The following COL24A1 variants were observed in gnomAD, a reference collection of about 807,000 sequenced individuals.
The protein encoded by COL24A1 is collagen alpha-1(XXIV) chain.
Under a neutral mutation model 253.9 loss-of-function variants are expected in COL24A1, and 224 were observed. That is an observed-to-expected ratio of 0.88 (90% CI 0.79 to 0.99). The LOEUF (loss-of-function observed/expected upper bound fraction) is 0.99. Ranked by LOEUF, COL24A1 falls within the 50% of genes least tolerant of loss-of-function variation. COL24A1 has a pLI of 0.00. For missense variants in COL24A1, 2,131 were observed against 2,068.5 expected (o/e 1.03, Z -0.59); for synonymous variants, 685 against 673.7 (o/e 1.02, Z -0.26).
chr1:85,951,155 T>G (rs1689873984), intron 24 of COL24A1, among the ~76,000 whole-genome samples: 1 of 152,200 alleles, frequency 6.6e-6, no homozygotes, highest in Non-Finnish European at 1.5e-5. Flanking sequence ...ATTTCTTAAT[T>G]TATCATAGTT....
At chr1:85,776,358 A>G (rs866854780) in intron 52 of COL24A1, among the ~76,000 whole-genome samples, 4 of 152,076 alleles carry the variant, frequency 2.6e-5, no homozygotes, top group African/African-American at 7.2e-5. Context: ...GGCCCATAAC[A>G]TCTTCTATTT....
intron 47 of COL24A1, among the ~76,000 whole-genome samples, chr1:85,797,914 C>T (rs536688208): frequency 3.3e-5 from 5 of 152,110 alleles, no homozygotes; most frequent in South Asian, 2.1e-4. Flanking sequence ...ATAAACCAGC[C>T]GAGCATGGTG....
rs1688170321 is a variant in COL24A1, at chr1:85,935,331, G to A, written c.2563-23898C>T. On this transcript the variant is annotated intron_variant, in intron 24 of 59. Coordinates refer to ENST00000370571, the MANE Select transcript of COL24A1 (RefSeq NM_152890.7). Reference sequence around the variant, plus strand: ...ACTATGCATAGGAACAAAGTGAACTGTCAATAGGAGAATACTGTCTATTTT... The same window carrying A: ...ACTATGCATAGGAACAAAGTGAACTATCAATAGGAGAATACTGTCTATTTT... 2.0e-5 allele frequency among the ~76,000 whole-genome samples: 3 copies of A among 147,558 alleles called. 1 individual carries two copies. Among genetic ancestry groups the A allele is most frequent in the East Asian group, 4.2e-4 (2 of 4,716 alleles).
chr1:85,797,387 A>T (rs573279347), intron 47 of COL24A1, among the ~76,000 whole-genome samples: 1 of 152,274 alleles, frequency 6.6e-6, no homozygotes, highest in East Asian at 1.9e-4. Flanking sequence ...AGACAAGCTC[A>T]ACTCCGACTA....
At chr1:85,745,402 G>T in intron 56 of COL24A1, 39 bp downstream of exon 56, 2 of 1,483,612 alleles carry the variant, frequency 1.3e-6, no homozygotes, top group Non-Finnish European at 9.3e-7. Context: ...TTGGTATATT[G>T]AGAGACAGTG....
intron 35 of COL24A1, among the ~76,000 whole-genome samples, chr1:85,872,028 A>G (rs1224034635): frequency 1.3e-5 from 2 of 152,206 alleles, no homozygotes; most frequent in Admixed American, 6.5e-5. Flanking sequence ...ATGTGCAAAA[A>G]TCACAAGCAT....
At chr1:85,803,111 T>C (rs549033126) in intron 47 of COL24A1, among the ~76,000 whole-genome samples, 5 of 152,270 alleles carry the variant, frequency 3.3e-5, no homozygotes, top group African/African-American at 9.6e-5. Context: ...TAGAAATATG[T>C]TAAACATTTT....
chr1:85,897,022 A>G (rs1295313649), intron 28 of COL24A1, among the ~76,000 whole-genome samples: 1 of 152,256 alleles, frequency 6.6e-6, no homozygotes, highest in East Asian at 1.9e-4. Flanking sequence ...GCAGCCAGCC[A>G]GAATTTGTTC....
rs980456338 is a variant in COL24A1 at position 85,729,786 on chromosome 1, C to A, written c.*760G>T. The A allele has an allele frequency of 6.6e-6, 1 of 152,482 alleles. No homozygotes were observed. Among genetic ancestry groups the A allele is most frequent in the Non-Finnish European group, 1.5e-5 (1 of 68,010 alleles). The allele number at this position is 152,482 out of a possible 1,614,324, so 9.4% of individuals were successfully genotyped here. On this transcript the variant is annotated 3_prime_UTR_variant, in exon 60 of 60. Coordinates refer to ENST00000370571, the MANE Select transcript of COL24A1 (RefSeq NM_152890.7). ...CAAAGAAATCTAATTCTTTTGCGTA[C>A]AAGCACAGGTTACAATGTGCTGGCT...
At chr1:86,006,206 C>T (rs1157936189) in intron 19 of COL24A1, among the ~76,000 whole-genome samples, 3 of 151,996 alleles carry the variant, frequency 2.0e-5, no homozygotes, top group African/African-American at 4.8e-5. Flanking sequence ...AACAGCCAAC[C>T]CAACTTGAAA....
chr1:85,900,692 A>C (rs764200050), intron 28 of COL24A1, among the ~76,000 whole-genome samples: 2 of 152,108 alleles, frequency 1.3e-5, no homozygotes, highest in Non-Finnish European at 2.9e-5. Flanking sequence ...CCAAAACAGC[A>C]TGGTACTAGT....
intron 47 of COL24A1, among the ~76,000 whole-genome samples, chr1:85,807,486 T>C (rs996179600): frequency 2.6e-5 from 4 of 151,966 alleles, no homozygotes; most frequent in Non-Finnish European, 5.9e-5. Flanking sequence ...AATGATGGAG[T>C]GGAATCAGAC....
At chr1:86,145,553 A>G (rs1651758659) in intron 2 of COL24A1, among the ~76,000 whole-genome samples, 1 of 152,104 alleles carries the variant, frequency 6.6e-6, no homozygotes, top group Non-Finnish European at 1.5e-5. Context: ...TGCATCAATC[A>G]TGTTTAAATG....
chr1:86,076,054 C>T (rs966194756), intron 7 of COL24A1, among the ~76,000 whole-genome samples: 7 of 152,102 alleles, frequency 4.6e-5, no homozygotes, highest in African/African-American at 1.7e-4. Context: ...GGAAATCAGG[C>T]AAGAGAAAGA....
chr1:86,114,936 A>G (rs996622624), intron 4 of COL24A1, among the ~76,000 whole-genome samples: 1 of 152,214 alleles, frequency 6.6e-6, no homozygotes, highest in South Asian at 2.1e-4. Context: ...CAATAGCTTC[A>G]GAATTTTCCA....
At chr1:85,889,651 G>A (rs762394292) in intron 31 of COL24A1, 38 bp from the exon 32 acceptor site, 32 of 1,574,386 alleles carry the variant, frequency 2.0e-5, no homozygotes, top group Non-Finnish European at 2.7e-5. Context: ...GAAAAGTGGT[G>A]TGTGAAGATG....
intron 24 of COL24A1, among the ~76,000 whole-genome samples, chr1:85,946,684 T>A (rs1023189056): frequency 6.6e-6 from 1 of 152,196 alleles, no homozygotes; most frequent in East Asian, 1.9e-4. Context: ...GGAAGTAGAA[T>A]TAGAAATCCA....
rs1402800125 is a variant in COL24A1, at chr1:86,084,896, C to A, written c.1707+4278G>T. 1.3e-5 allele frequency among the ~76,000 whole-genome samples: 2 copies of A among 152,062 alleles called. 1 individual carries two copies. The highest frequency in any genetic ancestry group is 4.8e-5 in the African/African-American group (2 of 41,406). ...GATGGTAACAGTGGTGGCAGCACAA[C>A]CCCCAAGCAGCGGCATTTGTATTAG... On this transcript the variant is annotated intron_variant, in intron 7 of 59. Coordinates refer to ENST00000370571, the MANE Select transcript of COL24A1 (RefSeq NM_152890.7).
intron 58 of COL24A1, chr1:85,736,524 T>A: frequency 2.2e-6 from 1 of 455,444 alleles, no homozygotes; most frequent in South Asian, 1.5e-5. Flanking sequence ...GAAGGATCCT[T>A]CCCTCTTCTA....
Sources: gnomAD v4.1 joint callset for allele counts (sites outside exome capture counted in the v4.1 genomes callset) on GRCh38, gnomAD v4.1.1 for gene constraint, MANE v1.5 for transcripts, NCBI Gene and HGNC (gene_info 2026-07-23, HGNC 2026-07-21) for gene names.